MYO16: variants seen among roughly 807,000 people sequenced by gnomAD.
MYO16 encodes the protein unconventional myosin-XVI.
A neutral mutation model predicts 205.3 loss-of-function variants in MYO16; 94 were observed. The observed-to-expected ratio is 0.46, with a 90% CI of 0.39 to 0.54. MYO16 has a LOEUF of 0.54. Ranked by LOEUF, MYO16 falls within the 20% of genes least tolerant of loss-of-function variation. The probability of loss-of-function intolerance (pLI) is 0.00; values close to 1 mark genes in which losing one functional copy is unlikely to be tolerated. For missense variants in MYO16, 2,315 were observed against 2,387.5 expected (o/e 0.97, Z 0.63); for synonymous variants, 988 against 954.0 (o/e 1.04, Z -0.66).
At chr13:109,121,261 G>A (rs1171873637) in intron 29 of MYO16, among the ~76,000 whole-genome samples, 1 of 152,080 alleles carries the variant, frequency 6.6e-6, no homozygotes, top group Non-Finnish European at 1.5e-5. Flanking sequence ...ACCTACTCAG[G>A]TTGCCTCTGG....
intron 12 of MYO16, among the ~76,000 whole-genome samples, chr13:108,867,183 AAAAAC>A (rs57653337): frequency 1.1e-4 from 17 of 151,612 alleles, no homozygotes; most frequent in East Asian, 5.8e-4. Context: ...CATCTCTGCA[AAAAAC>A]AAAACAAAAC....
chr13:108,892,140 G>T (rs1202389253), intron 14 of MYO16, among the ~76,000 whole-genome samples: 2 of 152,080 alleles, frequency 1.3e-5, no homozygotes, highest in Non-Finnish European at 2.9e-5. Context: ...TGCATAATTA[G>T]TTTTTTGAAT....
intron 33 of MYO16, among the ~76,000 whole-genome samples, chr13:109,173,370 T>C (rs967735346): frequency 1.3e-5 from 2 of 152,180 alleles, no homozygotes; most frequent in African/African-American, 4.8e-5. Context: ...ACTTTCCACA[T>C]AGATAAAAGA....
rs535658710 is a variant in MYO16 at position 108,874,264 on chromosome 13, T to C, written c.1425+8022T>C. On this transcript the variant is annotated intron_variant, in intron 12 of 34. Coordinates refer to ENST00000457511, the MANE Select transcript of MYO16 (RefSeq NM_001198950.3). Reference sequence around the variant, plus strand: ...TGTGATCGGGGCAAATCTTAAAAAATTAGTAAGATTCTGATGAGCAGAAGA... The same window carrying C: ...TGTGATCGGGGCAAATCTTAAAAAACTAGTAAGATTCTGATGAGCAGAAGA... Among the ~76,000 whole-genome samples, 205 of 152,016 alleles carry C rather than the reference T, an allele frequency of 1.3e-3. 2 individuals carry two copies. The highest frequency in any genetic ancestry group is 4.6e-3 in the African/African-American group (192 of 41,486).
At chr13:108,588,708 G>C in the MYO16 span, among the ~76,000 whole-genome samples, 4,074 of 152,206 alleles carry the variant, frequency 0.027, 176 homozygotes, top group African/African-American at 0.091. Flanking sequence ...ATGAAAGAAT[G>C]TGTTATGTGT....
chr13:108,575,140 C>A, the MYO16 span, among the ~76,000 whole-genome samples: 1 of 152,182 alleles, frequency 6.6e-6, no homozygotes, highest in Non-Finnish European at 1.5e-5. Flanking sequence ...CTATGATGAC[C>A]TTTGAATCCT....
chr13:108,711,829 A>C (rs1053104257), intron 2 of MYO16, among the ~76,000 whole-genome samples: 21 of 152,238 alleles, frequency 1.4e-4, no homozygotes, highest in Admixed American at 2.6e-4. Flanking sequence ...TAATGAAATA[A>C]AAGAGTAATT....
At chr13:108,793,137 T>A (rs1361164471) in intron 5 of MYO16, among the ~76,000 whole-genome samples, 10 of 151,430 alleles carry the variant, frequency 6.6e-5, no homozygotes. Flanking sequence ...CAAAAAAAAA[T>A]TAGCCGGGCG....
At chr13:108,542,860 AT>A in the MYO16 span, among the ~76,000 whole-genome samples, 1 of 151,622 alleles carries the variant, frequency 6.6e-6, no homozygotes, top group Non-Finnish European at 1.5e-5. Flanking sequence ...AACCATGTTC[AT>A]TTATAGTTTA....
intron 20 of MYO16, among the ~76,000 whole-genome samples, chr13:108,991,906 G>GT (rs1301568570): frequency 1.3e-5 from 2 of 152,022 alleles, no homozygotes; most frequent in African/African-American, 2.4e-5. Flanking sequence ...TTGGTTTTTG[G>GT]TTTTTTTGGC....
chr13:108,891,354 C>A (rs2139188253), intron 14 of MYO16, among the ~76,000 whole-genome samples: 1 of 152,264 alleles, frequency 6.6e-6, no homozygotes, highest in East Asian at 1.9e-4. Flanking sequence ...TTTTGTTTTT[C>A]ATTCCAGTGT....
At chr13:108,620,574 G>A (rs2139334008) in intron 1 of MYO16, among the ~76,000 whole-genome samples, 1 of 152,254 alleles carries the variant, frequency 6.6e-6, no homozygotes. Context: ...GATAAATTAA[G>A]GAAATATTTC....
intron 10 of MYO16, among the ~76,000 whole-genome samples, chr13:108,854,383 G>A (rs116690722): frequency 5.3e-4 from 80 of 152,058 alleles, no homozygotes; most frequent in Middle Eastern, 3.4e-3. Context: ...TTTACTTTGC[G>A]AAATATCCAC....
rs1212645122 is a variant in MYO16 at position 109,199,295 on chromosome 13, GT to G, written c.5416-7310del. ...CCCTGGGTAACACTTTAAGACACGT[GT>G]TTTGTTTGTCTAAAAGCTCCTTGAA... On this transcript the variant is annotated intron_variant, in intron 34 of 34. Coordinates refer to ENST00000457511, the MANE Select transcript of MYO16 (RefSeq NM_001198950.3). 7.1e-5 allele frequency among the ~76,000 whole-genome samples: 10 copies of G among 140,630 alleles called. No individual in the cohort carries two copies. The East Asian group carries it at 2.1e-3, about 30-fold the overall frequency. 92.3% of individuals were successfully genotyped at this position (140,630 alleles called of 152,430 possible).
chr13:109,148,331 C>A (rs1274524184), intron 32 of MYO16, among the ~76,000 whole-genome samples: 2 of 152,176 alleles, frequency 1.3e-5, no homozygotes, highest in East Asian at 3.9e-4. Flanking sequence ...ATATAAATGC[C>A]CAATAATTCA....
At chr13:109,095,096 A>G (rs1380063920) in intron 27 of MYO16, among the ~76,000 whole-genome samples, 1 of 152,200 alleles carries the variant, frequency 6.6e-6, no homozygotes, top group Non-Finnish European at 1.5e-5. Context: ...TCTAGATATG[A>G]AAGTAGATAA....
At chr13:108,934,347 G>A (rs1882385709) in intron 16 of MYO16, among the ~76,000 whole-genome samples, 2 of 152,142 alleles carry the variant, frequency 1.3e-5, no homozygotes, top group East Asian at 1.9e-4. Flanking sequence ...GATGATTAAT[G>A]ATGAAAAGCA....
In MYO16 at chr13:109,140,574, C is replaced by A; in HGVS notation, c.4362C>A (p.Tyr1454Ter). Residue 1454 changes from tyrosine (Y) to a stop codon, truncating the protein, a stop_gained, in exon 32 of 35, where the codon TAC becomes TAA. Coordinates refer to ENST00000457511, the MANE Select transcript of MYO16 (RefSeq NM_001198950.3). LOFTEE classifies it high-confidence loss of function. The surrounding 1 kb of genome is among the most constrained non-coding windows in gnomAD (Gnocchi z 8.0). ...PDSPDPGESV[Y>*]EEMKCCLPDD... ...GCCCGGACCCCGGGGAGTCCGTGTA[C>A]GAGGAGATGAAGTGTTGCCTGCCCG... 1 of 1,535,110 alleles carries A rather than the reference C, an allele frequency of 6.5e-7. No homozygotes were observed. The highest frequency in any genetic ancestry group is 8.7e-7 in the Non-Finnish European group (1 of 1,147,444).
chr13:108,565,894 C>CGTG, the MYO16 span, among the ~76,000 whole-genome samples: 2,484 of 151,840 alleles, frequency 0.016, 57 homozygotes, highest in South Asian at 0.087. Context: ...CATGAAGGGA[C>CGTG]GTGGAACTTT....
Sources: allele counts gnomAD v4.1 joint callset (sites outside exome capture counted in the v4.1 genomes callset), GRCh38; gene constraint gnomAD v4.1.1; non-coding constraint Gnocchi (gnomAD v3.1); transcripts MANE v1.5; gene names NCBI Gene and HGNC (gene_info 2026-07-23, HGNC 2026-07-21).